SP140L: variants seen among roughly 807,000 people sequenced by gnomAD.
The protein encoded by SP140L is SP140 like nuclear body protein, also known as nuclear body protein SP140-like protein.
In SP140L, 64 loss-of-function variants were observed where a neutral mutation model predicts 84.3. That is an observed-to-expected ratio of 0.76 (90% CI 0.62 to 0.94). The LOEUF (loss-of-function observed/expected upper bound fraction) is 0.94, where lower values mean the gene tolerates loss of function less well. Among genes scored for constraint, SP140L ranks in the 40% least tolerant of loss-of-function variants. SP140L has a pLI of 0.00. For missense variants in SP140L, 628 were observed against 692.5 expected (o/e 0.91, Z 1.05); for synonymous variants, 242 against 236.9 (o/e 1.02, Z -0.20).
At chr2:230,386,034 C>T (rs1394082375) in intron 9 of SP140L, among the ~76,000 whole-genome samples, 1 of 152,112 alleles carries the variant, frequency 6.6e-6, no homozygotes, top group Non-Finnish European at 1.5e-5. Context: ...CTCTTTCTTC[C>T]GTGAGATGCT....
chr2:230,333,445 A>C (rs2059781473), intron 2 of SP140L, among the ~76,000 whole-genome samples: 1 of 152,144 alleles, frequency 6.6e-6, no homozygotes, highest in Admixed American at 6.5e-5. Context: ...GGCATAAGCC[A>C]CCGCGCCCGA....
intron 8 of SP140L, among the ~76,000 whole-genome samples, chr2:230,384,942 G>T (rs953665114): frequency 1.3e-5 from 2 of 152,120 alleles, no homozygotes; most frequent in Admixed American, 1.3e-4. Context: ...CAAAAAACAA[G>T]AATGGGTGTT....
intron 2 of SP140L, among the ~76,000 whole-genome samples, chr2:230,353,534 A>G (rs1449208181): frequency 1.3e-5 from 2 of 152,106 alleles, no homozygotes; most frequent in Admixed American, 6.5e-5. Flanking sequence ...TTGAATTGAC[A>G]TTAATGGGAA....
Position 230,402,870 on chromosome 2 carries a change from A to C in SP140L, c.1717A>C (p.Ile573Leu). Reference protein sequence around the residue: ...FEKDFKEVFAIQETNGNS With the variant: ...FEKDFKEVFALQETNGNS The stretch of plus-strand genomic sequence containing the variant: ...GAAGGATTTCAAGGAAGTGTTTGCT[A>C]TTCAGGAAACAAATGGGAACAGTTG... The change falls in exon 19 of 19, where the codon ATT becomes CTT. Residue 573 changes from isoleucine (I) to leucine (L), a missense_variant. Ile to Leu is a conservative substitution (Grantham distance 5). This residue lies in a region of SP140L where 44 missense variants were observed against 36.1 expected (regional missense o/e 1.22). Transcript: ENST00000415673. The C allele has an allele frequency of 6.2e-7, 1 of 1,613,184 alleles. No homozygotes were observed. The highest frequency in any genetic ancestry group is 1.7e-5 in the Admixed American group (1 of 59,798).
chr2:230,401,091 C>T (rs2062315965), intron 16 of SP140L, 28 bp downstream of exon 16: 2 of 957,070 alleles, frequency 2.1e-6, no homozygotes, highest in Admixed American at 5.1e-5. Flanking sequence ...CCCAAGCCTT[C>T]TCCTTTCCCC....
chr2:230,388,056 C>G (rs1274744745), intron 9 of SP140L, among the ~76,000 whole-genome samples: 1 of 152,164 alleles, frequency 6.6e-6, no homozygotes, highest in Non-Finnish European at 1.5e-5. Context: ...TTATTTGTGT[C>G]TCTGCTAAGA....
intron 2 of SP140L, among the ~76,000 whole-genome samples, chr2:230,332,042 C>T (rs896279575): frequency 6.6e-6 from 1 of 152,026 alleles, no homozygotes; most frequent in African/African-American, 2.4e-5. Context: ...TTTGTTCCAG[C>T]GCTCAGGGGA....
At chr2:230,383,420 T>G in intron 7 of SP140L, 90 bp from the exon 8 acceptor site, 2 of 1,385,178 alleles carry the variant, frequency 1.4e-6, no homozygotes, top group East Asian at 2.5e-5. Flanking sequence ...GACCAAAGTA[T>G]GAAAAAATCT....
chr2:230,393,709 C>A (rs1347507475), intron 13 of SP140L, among the ~76,000 whole-genome samples: 1 of 152,156 alleles, frequency 6.6e-6, no homozygotes, highest in African/African-American at 2.4e-5. Flanking sequence ...CAAAACAAAC[C>A]TCCTGAATGT....
chr2:230,354,664 T>C (rs1308327374), intron 2 of SP140L, among the ~76,000 whole-genome samples: 1 of 151,486 alleles, frequency 6.6e-6, no homozygotes, highest in African/African-American at 2.4e-5. Flanking sequence ...GTCCTAGCTA[T>C]TCAGGAAGCT....
chr2:230,334,113 G>A (rs957089831), intron 2 of SP140L, among the ~76,000 whole-genome samples: 2 of 152,168 alleles, frequency 1.3e-5, no homozygotes, highest in Non-Finnish European at 2.9e-5. Context: ...CTGACTAGAA[G>A]CTCTGTGTAA....
chr2:230,377,518 A>C (rs1039566627), intron 7 of SP140L, among the ~76,000 whole-genome samples: 4 of 152,184 alleles, frequency 2.6e-5, no homozygotes, highest in African/African-American at 9.7e-5. Flanking sequence ...CTTTATATGA[A>C]TACATTACAG....
intron 2 of SP140L, among the ~76,000 whole-genome samples, chr2:230,356,252 A>G (rs1359024586): frequency 6.6e-6 from 1 of 152,160 alleles, no homozygotes; most frequent in Non-Finnish European, 1.5e-5. Context: ...ATTCCCACAT[A>G]TTTACCCAAG....
At chr2:230,359,615 A>G (rs917463464) in intron 4 of SP140L, among the ~76,000 whole-genome samples, 1 of 152,014 alleles carries the variant, frequency 6.6e-6, no homozygotes, top group East Asian at 1.9e-4. Context: ...CACAGGGACA[A>G]TCTGAGTTAT....
At chr2:230,374,179 G>A (rs1419547155) in intron 7 of SP140L, among the ~76,000 whole-genome samples, 1 of 152,122 alleles carries the variant, frequency 6.6e-6, no homozygotes, top group Non-Finnish European at 1.5e-5. Flanking sequence ...AGCTGGGCGT[G>A]GTGGCTTGTG....
At chr2:230,338,085 C>G (rs1162499484) in intron 2 of SP140L, among the ~76,000 whole-genome samples, 1 of 137,938 alleles carries the variant, frequency 7.2e-6, no homozygotes, top group Non-Finnish European at 1.6e-5. Context: ...TTACCTTGGG[C>G]AGTATGGCCA....
intron 2 of SP140L, among the ~76,000 whole-genome samples, chr2:230,347,330 G>A (rs1438637115): frequency 6.6e-6 from 1 of 152,132 alleles, no homozygotes; most frequent in East Asian, 1.9e-4. Flanking sequence ...TTTGCAGTTG[G>A]GTTGAGTCAC....
intron 14 of SP140L, chr2:230,399,913 T>C: frequency 2.3e-6 from 1 of 436,088 alleles, no homozygotes; most frequent in African/African-American, 2.0e-5. Flanking sequence ...AGGAAAACGT[T>C]TTTATTCTGA....
intron 7 of SP140L, among the ~76,000 whole-genome samples, chr2:230,374,244 A>T (rs1440406278): frequency 1.3e-5 from 2 of 150,936 alleles, no homozygotes; most frequent in Non-Finnish European, 2.9e-5. Context: ...TGAACCCGGG[A>T]GGCAGAGGTT....
Sources: allele counts gnomAD v4.1 joint callset (sites outside exome capture counted in the v4.1 genomes callset), GRCh38; gene constraint gnomAD v4.1.1; regional missense constraint gnomAD v4.1.1; transcripts MANE v1.5; gene names NCBI Gene and HGNC (gene_info 2026-07-23, HGNC 2026-07-21).